F2: variants seen among roughly 807,000 people sequenced by gnomAD.
F2 encodes the protein coagulation factor II, thrombin, also known as prothrombin.
Under a neutral mutation model 81.9 loss-of-function variants are expected in F2, and 34 were observed. The ratio of observed to expected loss-of-function variants is 0.42; its 90% confidence interval spans 0.32 to 0.55. The LOEUF (loss-of-function observed/expected upper bound fraction) is 0.55, where lower values mean the gene tolerates loss of function less well. Among genes scored for constraint, F2 ranks in the 20% least tolerant of loss-of-function variants. The probability of loss-of-function intolerance (pLI) is 0.18; values close to 1 mark genes in which losing one functional copy is unlikely to be tolerated. For missense variants in F2, 630 were observed against 833.4 expected (o/e 0.76, Z 3.00); for synonymous variants, 296 against 326.4 (o/e 0.91, Z 1.01).
chr11:46,739,163 G>A (rs772986689), intron 13 of F2, 45 bp downstream of exon 13: 2 of 1,613,870 alleles, frequency 1.2e-6, no homozygotes, highest in South Asian at 1.1e-5. Flanking sequence ...CATCTTCTGG[G>A]GGTGGGGAGA....
chr11:46,729,344 G>C, intron 11 of F2, 36 bp from the exon 12 acceptor site: 3 of 1,604,116 alleles, frequency 1.9e-6, no homozygotes, highest in Non-Finnish European at 2.6e-6. Flanking sequence ...TCCTGTGGGG[G>C]TTGGCTCTCA....
chr11:46,737,552 T>G (rs1390396568), intron 12 of F2, among the ~76,000 whole-genome samples: 1 of 150,210 alleles, frequency 6.7e-6, no homozygotes, highest in Non-Finnish European at 1.5e-5. Flanking sequence ...GCCATCCTCC[T>G]GCCTCAGCCT....
intron 4 of F2, among the ~76,000 whole-genome samples, chr11:46,721,442 T>C (rs1008289797): frequency 3.9e-5 from 6 of 152,184 alleles, no homozygotes; most frequent in Admixed American, 3.9e-4. Flanking sequence ...TAGCTTTAGG[T>C]GTCACTGAAC....
intron 6 of F2, among the ~76,000 whole-genome samples, chr11:46,725,263 T>G (rs1305959127): frequency 1.3e-5 from 2 of 151,846 alleles, no homozygotes; most frequent in Admixed American, 1.3e-4. Context: ...GAGACGGGGT[T>G]TCTTCATGTT....
Position 46,728,059 on chromosome 11 carries a change from C to A in F2, c.1194C>A (p.Asp398Glu). The A allele has an allele frequency of 6.2e-7, 1 of 1,610,772 alleles. No homozygotes were observed. Among genetic ancestry groups the A allele is most frequent in the Non-Finnish European group, 8.5e-7 (1 of 1,178,864 alleles). The change falls in exon 10 of 14, where the codon GAC becomes GAA. Residue 398 changes from aspartate (D) to glutamate (E), a missense_variant. Physicochemically the swap from Asp to Glu is conservative, Grantham distance 45 (BLOSUM62 2). Transcript: ENST00000311907. The surrounding 1 kb of genome is among the most constrained non-coding windows in gnomAD (Gnocchi z 5.1). ...TGTGTGGGGCCAGCCTCATCAGTGA[C>A]CGCTGGGTCCTCACCGCCGCCCACT... Reference protein sequence around the residue: ...ELLCGASLISDRWVLTAAHCL... With the variant: ...ELLCGASLISERWVLTAAHCL...
At position 46,723,592 on chromosome 11, in the gene F2, A is replaced by G; in HGVS notation, c.559+74A>G. 1 of 1,529,304 alleles carries G rather than the reference A, an allele frequency of 6.5e-7. No individual in the cohort carries two copies. Among genetic ancestry groups the G allele is most frequent in the South Asian group, 1.2e-5 (1 of 84,662 alleles). 94.7% of individuals were successfully genotyped at this position (1,529,304 alleles called of 1,614,324 possible). A position where few individuals can be genotyped will look rare whatever the true frequency, so the allele number is the denominator to read the frequency against. ...ATGGGGCCTGGCAGCCTGGGATGGG[A>G]ACCAAGAATACTGGCTACCCAGGCA... On this transcript the variant is annotated intron_variant, in intron 6 of 13. Transcript: ENST00000311907. This position sits in a 1 kb window ranked among gnomAD's most constrained non-coding sequence, Gnocchi z 5.6.
chr11:46,731,282 G>A (rs61698568), intron 12 of F2, among the ~76,000 whole-genome samples: 10,541 of 150,000 alleles, frequency 0.07, 1,227 homozygotes, highest in African/African-American at 0.25. Flanking sequence ...CTAGAGTGCA[G>A]TGGCATGGTC....
chr11:46,739,273 T>C lies in F2; in HGVS notation c.1734T>C (p.Phe578=). The C allele has an allele frequency of 6.2e-7, 1 of 1,614,148 alleles. No individual in the cohort carries two copies. The change falls in exon 14 of 14, where the codon TTT becomes TTC. Residue 578 remains phenylalanine, a synonymous_variant. Transcript: ENST00000311907. ...SGGPFVMKSP[F]NNRWYQMGIV... ...TCATCTTTCTTCTTCAGAGCCCCTT[T>C]AACAACCGCTGGTATCAAATGGGCA...
In F2 at chr11:46,724,501, A is replaced by G. The variant is rs193171210; in HGVS notation, c.559+983A>G. Among the ~76,000 whole-genome samples the G allele has an allele frequency of 6.2e-4, 95 of 152,316 alleles. 1 individual carries two copies. The highest frequency in any genetic ancestry group is 5.2e-3 in the Admixed American group (79 of 15,288). ...TATGCTGATGACAGACACAGAAAAC[A>G]ATGAACAGAAAAGCGTCTTCTGTCC... On this transcript the variant is annotated intron_variant, in intron 6 of 13. Transcript: ENST00000311907.
intron 12 of F2, among the ~76,000 whole-genome samples, chr11:46,731,719 G>A (rs1370414790): frequency 6.6e-6 from 1 of 151,922 alleles, no homozygotes; most frequent in Admixed American, 6.6e-5. Flanking sequence ...GTTTCCTCAC[G>A]GTCAGGTTCG....
rs1332379618 is a variant in F2, at chr11:46,726,908, C to G, written c.1130+71C>G. On this transcript the variant is annotated intron_variant, in intron 9 of 13. Transcript: ENST00000311907. The surrounding 1 kb of genome is among the most constrained non-coding windows in gnomAD (Gnocchi z 5.9). ...GTGCTGCTGGACCCCCACCCTCAGG[C>G]CCTGCCTGCAGGCCTGGGCTTTACA... is the stretch of plus-strand genomic sequence containing the variant. The G allele has an allele frequency of 6.2e-7, 1 of 1,605,036 alleles. No individual in the cohort carries two copies. The highest frequency in any genetic ancestry group is 8.5e-7 in the Non-Finnish European group (1 of 1,174,018).
At position 46,719,331 on chromosome 11, in the gene F2, A is replaced by G. The variant is rs769845958; in HGVS notation, c.79+17A>G. On this transcript the variant is annotated intron_variant, in intron 1 of 13. Transcript: ENST00000311907. This position sits in a 1 kb window ranked among gnomAD's most constrained non-coding sequence, Gnocchi z 4.7. ...GCCAGCATGGTAAGGGAGTGCTTGC[A>G]GGCTGGAACAGGCTGGAGGACTGGG... 5.0e-6 allele frequency: 8 copies of G among 1,605,374 alleles called. No individual in the cohort carries two copies. The East Asian group carries it at 1.8e-4, about 36-fold the overall frequency.
Position 46,726,578 on chromosome 11 carries a change from G to A in F2, c.955G>A (p.Glu319Lys). The change falls in exon 8 of 14, where the codon GAG becomes AAG. Residue 319 changes from glutamate to lysine, a missense_variant. Physicochemically the swap from Glu to Lys is moderately conservative, Grantham distance 56 (BLOSUM62 1). Coordinates refer to ENST00000311907, the MANE Select transcript of F2 (RefSeq NM_000506.5). This position sits in a 1 kb window ranked among gnomAD's most constrained non-coding sequence, Gnocchi z 5.9. ...CATCGAAGGGCGTACCGCCACCAGTGAGTACCAGACTTTCTTCAATCCGAG... is the reference window on the plus strand; with the variant it reads ...CATCGAAGGGCGTACCGCCACCAGTAAGTACCAGACTTTCTTCAATCCGAG... The part of the protein sequence containing the change: ...RAIEGRTATS[E>K]YQTFFNPRTF... 1 of 1,614,150 alleles carries A rather than the reference G, an allele frequency of 6.2e-7. No homozygotes were observed. Among genetic ancestry groups the A allele is most frequent in the South Asian group, 1.1e-5 (1 of 91,080 alleles).
intron 12 of F2, among the ~76,000 whole-genome samples, chr11:46,731,153 G>A (rs2064909371): frequency 6.6e-6 from 1 of 151,912 alleles, no homozygotes; most frequent in African/African-American, 2.4e-5. Flanking sequence ...CTGACCTCAG[G>A]TGATCCACCT....
At position 46,720,557 on chromosome 11, in the gene F2, G is replaced by T. The variant is rs370547285; in HGVS notation, c.265+10G>T. The T allele has an allele frequency of 6.2e-7, 1 of 1,613,956 alleles. No homozygotes were observed. The highest frequency in any genetic ancestry group is 1.7e-5 in the Admixed American group (1 of 59,994). On this transcript the variant is annotated intron_variant, in intron 3 of 13. Transcript: ENST00000311907. ...TGGGCCAAGTACACAGGTGAGCACC[G>T]GGAAGGATTTGCCCCAGGAAGGGAG... is the stretch of plus-strand genomic sequence containing the variant.
intron 9 of F2, among the ~76,000 whole-genome samples, chr11:46,727,546 G>A (rs939885182): frequency 1.3e-5 from 2 of 152,082 alleles, no homozygotes; most frequent in Non-Finnish European, 2.9e-5. Context: ...GGGAGGCCAA[G>A]ACAGGAAGAT....
At position 46,728,697 on chromosome 11, in the gene F2, G is replaced by A; in HGVS notation, c.1332G>A (p.Leu444=). The change falls in exon 11 of 14, where the codon TTG becomes TTA. Residue 444 remains leucine (L), a synonymous_variant. Transcript: ENST00000311907. The surrounding 1 kb of genome is among the most constrained non-coding windows in gnomAD (Gnocchi z 5.1). The part of the protein sequence containing the change: ...YERNIEKISM[L]EKIYIHPRYN... ...GAAACATTGAAAAGATATCCATGTT[G>A]GAAAAGATCTACATCCACCCCAGGT... 6.2e-7 allele frequency: 1 copy of A among 1,614,146 alleles called. No homozygotes were observed. Among genetic ancestry groups the A allele is most frequent in the Non-Finnish European group, 8.5e-7 (1 of 1,180,032 alleles).
At chr11:46,730,976 G>T (rs1400445453) in intron 12 of F2, among the ~76,000 whole-genome samples, 1 of 152,020 alleles carries the variant, frequency 6.6e-6, no homozygotes, top group Admixed American at 6.6e-5. Flanking sequence ...GAGTGCAGTG[G>T]CACAATCTCG....
At chr11:46,737,598 G>A (rs918645232) in intron 12 of F2, among the ~76,000 whole-genome samples, 12 of 150,208 alleles carry the variant, frequency 8.0e-5, no homozygotes, top group Admixed American at 2.0e-4. Flanking sequence ...ACACTGCCAC[G>A]CCCAGCTAAT....
Sources: allele counts gnomAD v4.1 joint callset (sites outside exome capture counted in the v4.1 genomes callset), GRCh38; gene constraint gnomAD v4.1.1; non-coding constraint Gnocchi (gnomAD v3.1); transcripts MANE v1.5; gene names NCBI Gene and HGNC (gene_info 2026-07-23, HGNC 2026-07-21).